LILRB3: variants seen among roughly 807,000 people sequenced by gnomAD.
The protein encoded by LILRB3 is leukocyte immunoglobulin-like receptor subfamily B member 3.
A neutral mutation model predicts 68.2 loss-of-function variants in LILRB3; 32 were observed. The observed-to-expected ratio is 0.47, with a 90% CI of 0.35 to 0.63. The LOEUF (loss-of-function observed/expected upper bound fraction) is 0.63. Among genes scored for constraint, LILRB3 ranks in the 30% least tolerant of loss-of-function variants. LILRB3 has a pLI of 0.00. For missense variants in LILRB3, 502 were observed against 791.3 expected (o/e 0.63, Z 4.39); for synonymous variants, 185 against 323.1 (o/e 0.57, Z 4.58).
At chr19:54,219,615 A>C in intron 7 of LILRB3, 1 of 1,529,014 alleles carries the variant, frequency 6.5e-7, no homozygotes, top group Non-Finnish European at 8.8e-7. Flanking sequence ...GTGGGACGGG[A>C]CAGGCCCCTG....
chr19:54,222,675 C>T, intron 2 of LILRB3, 72 bp downstream of exon 2: 4 of 1,612,424 alleles, frequency 2.5e-6, no homozygotes, highest in South Asian at 2.2e-5. Flanking sequence ...CTGTCTCCTC[C>T]CCCAGCTGCC....
At chr19:54,220,769 C>T (rs1429535642) in exon 6 of LILRB3, 1 of 1,521,390 alleles carries the variant, frequency 6.6e-7, no homozygotes, top group Non-Finnish European at 8.8e-7. Flanking sequence ...GGGTCATGTT[C>T]TCTCCTGAGG....
chr19:54,222,335 AG>A lies in LILRB3; in HGVS notation c.297del (p.Tyr100IlefsTer17). 6.2e-7 allele frequency: 1 copy of A among 1,605,822 alleles called. No individual in the cohort carries two copies. The highest frequency in any genetic ancestry group is 8.5e-7 in the Non-Finnish European group (1 of 1,175,178). On this transcript the variant is annotated frameshift_variant, in exon 3 of 13. Transcript: ENST00000445347. LOFTEE classifies it high-confidence loss of function. ...TCTGACCAGCCTGCAGAGCTGTAATAGTGGCAGCGGTATCTCCCTGCATGGT... is the reference window on the plus strand; with the variant it reads ...TCTGACCAGCCTGCAGAGCTGTAATATGGCAGCGGTATCTCCCTGCATGGT...
intron 7 of LILRB3, chr19:54,219,502 C>T (rs2077860059): frequency 6.5e-7 from 1 of 1,550,376 alleles, no homozygotes; most frequent in Non-Finnish European, 8.7e-7. Flanking sequence ...AGCCCTTGTT[C>T]CTGCACCAGA....
At chr19:54,219,192 G>T (rs1331459275) in exon 8 of LILRB3, 6 of 1,600,718 alleles carry the variant, frequency 3.7e-6, no homozygotes. Flanking sequence ...AGGAAGAGCA[G>T]CAGGACGAAG....
chr19:54,217,946 T>A (rs185541363), intron 11 of LILRB3, among the ~76,000 whole-genome samples: 1 of 148,926 alleles, frequency 6.7e-6, no homozygotes, highest in African/African-American at 2.5e-5. Context: ...TCTCCCACCG[T>A]GAGGTGAGCT....
At chr19:54,222,421 C>G in exon 3 of LILRB3, 2 of 1,608,684 alleles carry the variant, frequency 1.2e-6, no homozygotes, top group South Asian at 2.2e-5. Context: ...TGGGTTATTT[C>G]TGTCCCAGGG....
rs750154465 is a variant in LILRB3 at position 54,219,265 on chromosome 19, G to A, written c.1310-20C>T. The stretch of plus-strand genomic sequence containing the variant: ...CCAGACCTTGACATGAGGACGTCAG[G>A]AGTGGGAATGATGTCATTGATGTGA... On this transcript the variant is annotated intron_variant, in intron 7 of 12. Coordinates refer to ENST00000445347, the Ensembl canonical transcript of LILRB3. 3 of 1,532,122 alleles carry A rather than the reference G, an allele frequency of 2.0e-6. No homozygotes were observed. In the African/African-American group the frequency reaches 4.1e-5, roughly 21 times the overall value. The allele number at this position is 1,532,122 out of a possible 1,614,324, so 94.9% of individuals were successfully genotyped here. A position where few individuals can be genotyped will look rare whatever the true frequency, so the allele number is the denominator to read the frequency against.
chr19:54,218,515 G>A (rs1410256182), intron 10 of LILRB3, 102 bp from the exon 11 acceptor site: 4 of 1,602,642 alleles, frequency 2.5e-6, no homozygotes, highest in African/African-American at 1.3e-5. Context: ...AATGCAGGGA[G>A]GTCCCACAGT....
exon 13 of LILRB3, chr19:54,216,717 T>C: frequency 9.1e-7 from 1 of 1,099,400 alleles, no homozygotes; most frequent in Non-Finnish European, 1.1e-6. Flanking sequence ...AAGGTCTCGC[T>C]CTGTCACACA....
chr19:54,217,655 A>T, intron 11 of LILRB3, 181 bp from the exon 12 acceptor site: 8 of 1,003,502 alleles, frequency 8.0e-6, no homozygotes, highest in Non-Finnish European at 1.2e-5. Flanking sequence ...TCTGCTCCTC[A>T]CTCTGACCTT....
chr19:54,218,856 G>A lies in LILRB3; in HGVS notation c.1427-18C>T. 5.6e-6 allele frequency: 9 copies of A among 1,613,902 alleles called. No homozygotes were observed. The highest frequency in any genetic ancestry group is 1.1e-5 in the South Asian group (1 of 91,086). ...TCTCTGGTCTGGGTGAAGATGGACA[G>A]AGTCTCAGCCCTGGGAACATTAGAA... On this transcript the variant is annotated intron_variant, in intron 8 of 12. Coordinates refer to ENST00000445347, the Ensembl canonical transcript of LILRB3.
rs2077553991 is a variant in LILRB3 at position 54,217,251 on chromosome 19, G to A, written c.1750-12C>T. 1 of 1,606,834 alleles carries A rather than the reference G, an allele frequency of 6.2e-7. No homozygotes were observed. On this transcript the variant is annotated splice_polypyrimidine_tract_variant and intron_variant, in intron 12 of 12. Coordinates refer to ENST00000445347, the Ensembl canonical transcript of LILRB3. ...TCAGATGCAGCAGCCTGCAGCGGGGGAGAGTGAGAGGTAAGGAACGTGGTG... is the reference window on the plus strand; with the variant it reads ...TCAGATGCAGCAGCCTGCAGCGGGGAAGAGTGAGAGGTAAGGAACGTGGTG...
At chr19:54,222,365 G>C (rs138323850) in exon 3 of LILRB3, 199,402 of 1,229,546 alleles carry the variant, frequency 0.16, 25,341 homozygotes, top group East Asian at 0.57. Context: ...GCATGGTGCT[G>C]TGTCATGGAT....
chr19:54,219,857 C>T, intron 7 of LILRB3: 3 of 1,548,108 alleles, frequency 1.9e-6, no homozygotes, highest in Non-Finnish European at 2.6e-6. Context: ...CCACTCAGAG[C>T]CCCTCACTCA....
chr19:54,222,257 G>A, intron 3 of LILRB3, 21 bp downstream of exon 3: 3 of 1,611,112 alleles, frequency 1.9e-6, no homozygotes, highest in South Asian at 1.1e-5. Context: ...CTGGGGCTGG[G>A]ACCCCAGAGT....
At chr19:54,218,147 G>GTCA (rs1258094245) in intron 11 of LILRB3, among the ~76,000 whole-genome samples, 1 of 151,862 alleles carries the variant, frequency 6.6e-6, no homozygotes, top group African/African-American at 2.4e-5. Context: ...GCCAAACAGA[G>GTCA]GATGAGGAGC....
chr19:54,222,826 C>T (rs1222093331), intron 1 of LILRB3, 44 bp from the exon 2 acceptor site: 7 of 1,612,624 alleles, frequency 4.3e-6, no homozygotes, highest in East Asian at 4.5e-5. Context: ...GAAGCCTGAG[C>T]AGGTCCCCGC....
At chr19:54,219,894 G>T (rs1267907988) in intron 7 of LILRB3, 1 of 1,548,308 alleles carries the variant, frequency 6.5e-7, no homozygotes, top group African/African-American at 1.4e-5. Flanking sequence ...ACCCTGGGGG[G>T]TTAAGGGGCT....
Sources: gnomAD v4.1 joint callset for allele counts (sites outside exome capture counted in the v4.1 genomes callset) on GRCh38, gnomAD v4.1.1 for gene constraint, MANE v1.5 for transcripts, NCBI Gene and HGNC (gene_info 2026-07-23, HGNC 2026-07-21) for gene names.